Variants in CCR5AS observed in about 807,000 individuals in gnomAD.
CCR5AS encodes the protein CCR5 antisense RNA.
intron 3 of CCR5AS, among the ~76,000 whole-genome samples, chr3:46,366,972 G>A (rs189643518): frequency 6.6e-6 from 1 of 152,136 alleles, no homozygotes; most frequent in South Asian, 2.1e-4. Flanking sequence ...CAACCGAGAA[G>A]AGCCCGACTG....
chr3:46,387,595 A>G (rs2106767199), intron 2 of CCR5AS, among the ~76,000 whole-genome samples: 1 of 152,278 alleles, frequency 6.6e-6, no homozygotes, highest in Admixed American at 6.5e-5. Flanking sequence ...CAAAAAATAC[A>G]AAAATTAACT....
At chr3:46,394,160 G>A (rs1229855185) in intron 1 of CCR5AS, among the ~76,000 whole-genome samples, 1 of 152,210 alleles carries the variant, frequency 6.6e-6, no homozygotes, top group Non-Finnish European at 1.5e-5. Context: ...TGAGGGCACA[G>A]TGCTGCTGGC....
chr3:46,372,345 A>G (rs543450476), intron 2 of CCR5AS, among the ~76,000 whole-genome samples: 2 of 152,282 alleles, frequency 1.3e-5, no homozygotes, highest in East Asian at 3.9e-4. Context: ...AGCCTGGGCA[A>G]CATAGTGTGA....
chr3:46,384,808 C>T (rs1701843808), intron 2 of CCR5AS, among the ~76,000 whole-genome samples: 1 of 151,880 alleles, frequency 6.6e-6, no homozygotes, highest in African/African-American at 2.4e-5. Context: ...GCACAGCTGA[C>T]TTGAGATAGA....
intron 2 of CCR5AS, among the ~76,000 whole-genome samples, chr3:46,384,961 G>A (rs527263869): frequency 2.2e-4 from 34 of 152,242 alleles, no homozygotes; most frequent in Middle Eastern, 3.4e-3. Flanking sequence ...GTCTGGCTGC[G>A]TGCATGCATT....
intron 1 of CCR5AS, among the ~76,000 whole-genome samples, chr3:46,399,050 A>C (rs1240123101): frequency 6.6e-6 from 1 of 151,878 alleles, no homozygotes; most frequent in Non-Finnish European, 1.5e-5. Context: ...ATCCTGCTTT[A>C]CTCATCTTCA....
At chr3:46,386,036 CA>C (rs1701858275) in intron 2 of CCR5AS, among the ~76,000 whole-genome samples, 2 of 152,076 alleles carry the variant, frequency 1.3e-5, no homozygotes, top group Non-Finnish European at 2.9e-5. Flanking sequence ...CTCAGCCCCC[CA>C]AGTAGCTGGG....
intron 2 of CCR5AS, among the ~76,000 whole-genome samples, chr3:46,387,965 G>A (rs1391079697): frequency 6.6e-6 from 1 of 152,128 alleles, no homozygotes; most frequent in Non-Finnish European, 1.5e-5. Context: ...GATCAGTTAG[G>A]GTGGGGCAGG....
chr3:46,388,378 G>C (rs759490144), intron 2 of CCR5AS, among the ~76,000 whole-genome samples: 1 of 152,178 alleles, frequency 6.6e-6, no homozygotes, highest in Non-Finnish European at 1.5e-5. Flanking sequence ...GTAATGGCCT[G>C]GATGCAGTTT....
intron 1 of CCR5AS, among the ~76,000 whole-genome samples, chr3:46,397,873 A>G (rs1701974266): frequency 6.6e-6 from 1 of 152,198 alleles, no homozygotes; most frequent in Non-Finnish European, 1.5e-5. Context: ...TTGAAACGCT[A>G]CTCAATGGAA....
chr3:46,390,896 A>G (rs913980667), intron 2 of CCR5AS, among the ~76,000 whole-genome samples: 6 of 152,210 alleles, frequency 3.9e-5, no homozygotes, highest in African/African-American at 1.2e-4. Context: ...GCCCTTGAAA[A>G]GAAAGTAATG....
At chr3:46,385,213 C>T (rs1559572561) in intron 2 of CCR5AS, among the ~76,000 whole-genome samples, 2 of 152,148 alleles carry the variant, frequency 1.3e-5, no homozygotes, top group East Asian at 3.8e-4. Context: ...ATGTCTATGT[C>T]AAGCTGTCAA....
intron 1 of CCR5AS, among the ~76,000 whole-genome samples, chr3:46,395,017 G>A (rs1054571072): frequency 3.9e-5 from 6 of 152,086 alleles, no homozygotes; most frequent in African/African-American, 1.2e-4. Flanking sequence ...ATGGAGGAGA[G>A]CCCCTAGGTG....
chr3:46,397,966 C>G (rs759197835), intron 1 of CCR5AS, among the ~76,000 whole-genome samples: 83 of 152,210 alleles, frequency 5.5e-4, no homozygotes, highest in Non-Finnish European at 4.6e-4. Context: ...AACTCCGACA[C>G]GGGGCAGACA....
intron 2 of CCR5AS, among the ~76,000 whole-genome samples, chr3:46,376,821 T>A (rs763178152): frequency 3.3e-5 from 5 of 152,120 alleles, no homozygotes; most frequent in Non-Finnish European, 7.4e-5. Context: ...AACATGCTGG[T>A]TTTCAGTCAC....
chr3:46,374,601 C>G (rs942281977), intron 2 of CCR5AS: 1 of 167,134 alleles, frequency 6.0e-6, no homozygotes, highest in African/African-American at 2.4e-5. Context: ...CTGGCAAAGA[C>G]AGAAGCCTCA....
chr3:46,375,376 C>G (rs1701739772), intron 2 of CCR5AS: 1 of 167,000 alleles, frequency 6.0e-6, no homozygotes, highest in Non-Finnish European at 1.5e-5. Context: ...CAACCACAGG[C>G]AGCATTTAGC....
intron 2 of CCR5AS, chr3:46,372,939 AATT>A: frequency 3.1e-6 from 5 of 1,606,438 alleles, no homozygotes; most frequent in East Asian, 4.5e-5. Context: ...CTATGACATC[AATT>A]ATTATACATC....
At chr3:46,405,904 C>T (rs755352696) in intron 1 of CCR5AS, among the ~76,000 whole-genome samples, 2 of 151,064 alleles carry the variant, frequency 1.3e-5, no homozygotes, top group African/African-American at 4.9e-5. Context: ...GACAGTGTCT[C>T]GCTCTGCCAC....
Sources: gnomAD v4.1 joint callset for allele counts (sites outside exome capture counted in the v4.1 genomes callset) on GRCh38, gnomAD v4.1.1 for gene constraint, MANE v1.5 for transcripts, NCBI Gene and HGNC (gene_info 2026-07-23, HGNC 2026-07-21) for gene names.